The following KCNJ12 variants were observed in gnomAD, a reference collection of about 807,000 sequenced individuals.
KCNJ12 encodes ATP-sensitive inward rectifier potassium channel 12.
KCNJ12 carries 2 observed loss-of-function variants against 22.3 expected under a neutral mutation model. The observed-to-expected ratio is 0.09, with a 90% CI of 0.04 to 0.28. The LOEUF (loss-of-function observed/expected upper bound fraction) is 0.28. KCNJ12 is among the 10% of genes least tolerant of loss of function. The pLI is 1.00. For missense variants in KCNJ12, 155 were observed against 633.3 expected, an observed-to-expected ratio of 0.24 and a Z score of 8.11; for synonymous variants, 117 against 261.4, an observed-to-expected ratio of 0.45 and a Z score of 5.33.
chr17:21,404,890 G>A (rs1231691498), intron 1 of KCNJ12, among the ~76,000 whole-genome samples: 3 of 152,406 alleles, frequency 2.0e-5, no homozygotes, highest in African/African-American at 7.2e-5. Flanking sequence ...CTCACCTCAG[G>A]GCTTAAGGGT....
At chr17:21,389,464 C>T (rs1278420096) in intron 1 of KCNJ12, among the ~76,000 whole-genome samples, 3 of 152,240 alleles carry the variant, frequency 2.0e-5, no homozygotes, top group Non-Finnish European at 4.4e-5. Flanking sequence ...TGAGCTCAGG[C>T]TTCCCACGAA....
chr17:21,388,035 C>T (rs1454943597), intron 1 of KCNJ12, among the ~76,000 whole-genome samples: 1 of 152,160 alleles, frequency 6.6e-6, no homozygotes, highest in Non-Finnish European at 1.5e-5. Flanking sequence ...ATGGCAGCCC[C>T]GCTGTCATCG....
intron 1 of KCNJ12, among the ~76,000 whole-genome samples, chr17:21,378,404 C>G (rs537868532): frequency 1.9e-4 from 29 of 152,336 alleles, no homozygotes; most frequent in African/African-American, 6.5e-4. Context: ...GACTTCACAG[C>G]GAAGTCTGCC....
At position 21,419,386 on chromosome 17, in the gene KCNJ12, T is replaced by C; in HGVS notation, c.*2742T>C. On this transcript the variant is annotated 3_prime_UTR_variant, in exon 3 of 3. Coordinates refer to ENST00000583088, the MANE Select transcript of KCNJ12 (RefSeq NM_021012.5). The stretch of plus-strand genomic sequence containing the variant: ...GGTGTTTCCGTGTACAAGTTTCCTG[T>C]GAGGGAGGGCACCCACCCATCAGGT... 6.0e-6 allele frequency: 1 copy of C among 167,028 alleles called. No homozygotes were observed. The allele number at this position is 167,028 out of a possible 1,614,324, so 10.3% of individuals were successfully genotyped here. A position where few individuals can be genotyped will look rare whatever the true frequency, so the allele number is the denominator to read the frequency against.
chr17:21,383,830 G>C (rs28650318), intron 1 of KCNJ12, among the ~76,000 whole-genome samples: 1 of 152,138 alleles, frequency 6.6e-6, no homozygotes, highest in Non-Finnish European at 1.5e-5. Context: ...GCCCTGGGGG[G>C]CTGACATCTC....
chr17:21,403,198 T>G (rs1351941071), intron 1 of KCNJ12, among the ~76,000 whole-genome samples: 4 of 152,306 alleles, frequency 2.6e-5, no homozygotes, highest in Non-Finnish European at 4.4e-5. Flanking sequence ...GAGCTCTGGC[T>G]GAGGCTCTGA....
chr17:21,381,568 G>T (rs1408593294), intron 1 of KCNJ12, among the ~76,000 whole-genome samples: 12 of 151,940 alleles, frequency 7.9e-5, no homozygotes, highest in African/African-American at 2.9e-4. Flanking sequence ...TGCTATCTCT[G>T]CCTGGAATGT....
intron 2 of KCNJ12, among the ~76,000 whole-genome samples, chr17:21,412,238 C>T (rs1297740161): frequency 2.0e-5 from 3 of 152,222 alleles, no homozygotes; most frequent in African/African-American, 7.2e-5. Flanking sequence ...AGAGGAACGT[C>T]GACAGAAGTG....
chr17:21,401,598 A>G (rs1905626586), intron 1 of KCNJ12, among the ~76,000 whole-genome samples: 1 of 152,174 alleles, frequency 6.6e-6, no homozygotes, highest in Admixed American at 6.5e-5. Context: ...CAAATGGGGA[A>G]ACTGAGGCCC....
At chr17:21,407,441 A>G (rs1906020609) in intron 1 of KCNJ12, among the ~76,000 whole-genome samples, 1 of 151,822 alleles carries the variant, frequency 6.6e-6, no homozygotes, top group Non-Finnish European at 1.5e-5. Context: ...ATACCCACCC[A>G]TCCACCCAGC....
At chr17:21,377,803 G>A (rs1555557465) in intron 1 of KCNJ12, among the ~76,000 whole-genome samples, 2 of 152,180 alleles carry the variant, frequency 1.3e-5, no homozygotes, top group South Asian at 2.1e-4. Flanking sequence ...CTTTGGGGAC[G>A]GTCTTGTTCT....
intron 1 of KCNJ12, among the ~76,000 whole-genome samples, chr17:21,380,869 G>T (rs1904842276): frequency 6.6e-6 from 1 of 152,000 alleles, no homozygotes. Context: ...CCCAGTGCAG[G>T]CCTCCTGTTT....
At chr17:21,377,065 T>G (rs1037944789) in intron 1 of KCNJ12, among the ~76,000 whole-genome samples, 152 bp downstream of exon 1, 3 of 152,222 alleles carry the variant, frequency 2.0e-5, no homozygotes, top group African/African-American at 4.8e-5. Flanking sequence ...CCTCTCGTTT[T>G]ATTTTTTTCC....
Position 21,416,897 on chromosome 17 carries a change from A to T in KCNJ12, c.*253A>T, listed in dbSNP as rs564424188. Reference sequence around the variant, plus strand: ...AAGTGGCCTCCTGGGGGGCCAGGCCACGAGGGCCAGGGCTTCTGCCTGAAG... The same window carrying T: ...AAGTGGCCTCCTGGGGGGCCAGGCCTCGAGGGCCAGGGCTTCTGCCTGAAG... On this transcript the variant is annotated 3_prime_UTR_variant, in exon 3 of 3. Coordinates refer to ENST00000583088, the MANE Select transcript of KCNJ12 (RefSeq NM_021012.5). The T allele has an allele frequency of 1.7e-6, 1 of 578,834 alleles. No individual in the cohort carries two copies. The highest frequency in any genetic ancestry group is 2.9e-5 in the East Asian group (1 of 34,252). The allele number at this position is 578,834 out of a possible 1,614,324, so 35.9% of individuals were successfully genotyped here.
chr17:21,391,836 G>A (rs1905218665), intron 1 of KCNJ12, among the ~76,000 whole-genome samples: 1 of 152,358 alleles, frequency 6.6e-6, no homozygotes, highest in African/African-American at 2.4e-5. Context: ...GTCACTAGAA[G>A]GGGGACAGGC....
At chr17:21,397,932 C>T (rs1408709995) in intron 1 of KCNJ12, among the ~76,000 whole-genome samples, 2 of 152,186 alleles carry the variant, frequency 1.3e-5, no homozygotes, top group Non-Finnish European at 2.9e-5. Context: ...TTCTTTCAGC[C>T]TCTTTGTGCT....
At chr17:21,384,103 G>A (rs1244660587) in intron 1 of KCNJ12, among the ~76,000 whole-genome samples, 1 of 152,116 alleles carries the variant, frequency 6.6e-6, no homozygotes, top group Non-Finnish European at 1.5e-5. Context: ...AGTAAATGGA[G>A]GCATAGAAAC....
chr17:21,402,531 G>A (rs1316239380), intron 1 of KCNJ12, among the ~76,000 whole-genome samples: 2 of 152,310 alleles, frequency 1.3e-5, no homozygotes, highest in Non-Finnish European at 2.9e-5. Flanking sequence ...GGGGCAGAGC[G>A]ATAGGCTTTC....
chr17:21,388,067 T>C (rs1419089976), intron 1 of KCNJ12, among the ~76,000 whole-genome samples: 1 of 152,138 alleles, frequency 6.6e-6, no homozygotes, highest in Non-Finnish European at 1.5e-5. Context: ...GTCTCCTTTG[T>C]TTTAGAGGTG....
Sources: gnomAD v4.1 joint callset for allele counts (sites outside exome capture counted in the v4.1 genomes callset) on GRCh38, gnomAD v4.1.1 for gene constraint, MANE v1.5 for transcripts, NCBI Gene and HGNC (gene_info 2026-07-23, HGNC 2026-07-21) for gene names.